Variants in SORBS2 observed in about 807,000 individuals in gnomAD.
The protein encoded by SORBS2 is sorbin and SH3 domain containing 2.
SORBS2 carries 46 observed loss-of-function variants against 97.7 expected under a neutral mutation model. That is an observed-to-expected ratio of 0.47 (90% confidence interval 0.37 to 0.60). SORBS2 has a LOEUF of 0.60. Among genes scored for constraint, SORBS2 ranks in the 20% least tolerant of loss-of-function variants. SORBS2 has a pLI of 0.00. For synonymous variants in SORBS2, 476 were observed against 473.4 expected, an observed-to-expected ratio of 1.01 and a Z score of -0.07; for missense variants, 1,316 against 1,282.3, an observed-to-expected ratio of 1.03 and a Z score of -0.40.
intron 1 of SORBS2, among the ~76,000 whole-genome samples, chr4:185,932,325 G>T (rs1448189731): frequency 2.6e-5 from 4 of 151,708 alleles, no homozygotes; most frequent in African/African-American, 9.7e-5. Flanking sequence ...AGAGTAGGGT[G>T]TTAAGTCAAC....
intron 1 of SORBS2, among the ~76,000 whole-genome samples, chr4:185,925,728 C>T (rs2099263285): frequency 6.6e-6 from 1 of 152,148 alleles, no homozygotes; most frequent in African/African-American, 2.4e-5. Context: ...GAGAAGAAAG[C>T]ACACAAGATT....
At chr4:185,659,488 C>T (rs993214530), upstream of SORBS2, among the ~76,000 whole-genome samples, 1 of 152,110 alleles carries the variant, frequency 6.6e-6, no homozygotes, top group East Asian at 1.9e-4. Context: ...GCGATCTCGG[C>T]TCACTGCAAG....
intron 1 of SORBS2, among the ~76,000 whole-genome samples, chr4:185,875,473 G>A (rs777171298): frequency 7.9e-5 from 12 of 152,186 alleles, no homozygotes; most frequent in South Asian, 2.1e-4. Flanking sequence ...AATTCCCATC[G>A]CTCTGTAACT....
At chr4:185,871,615 T>A (rs748875037) in intron 1 of SORBS2, among the ~76,000 whole-genome samples, 1 of 152,242 alleles carries the variant, frequency 6.6e-6, no homozygotes, top group Non-Finnish European at 1.5e-5. Flanking sequence ...AGTTCTTCCT[T>A]TCCTTGCCTT....
chr4:185,683,779 A>AT (rs1000198123), intron 2 of SORBS2, among the ~76,000 whole-genome samples: 10 of 151,426 alleles, frequency 6.6e-5, no homozygotes, highest in Non-Finnish European at 1.2e-4. Context: ...ATGGAAGTTC[A>AT]TTTTTTTTTC....
intron 4 of SORBS2, among the ~76,000 whole-genome samples, chr4:185,644,242 T>C (rs1379790130): frequency 6.6e-6 from 1 of 152,158 alleles, no homozygotes; most frequent in African/African-American, 2.4e-5. Flanking sequence ...CTAAGTTCCT[T>C]CTACTTATCT....
intron 9 of SORBS2, among the ~76,000 whole-genome samples, chr4:185,617,197 C>T (rs2096642519): frequency 6.6e-6 from 1 of 152,170 alleles, no homozygotes; most frequent in African/African-American, 2.4e-5. Flanking sequence ...ACGTGTGCTC[C>T]GTAACATTAT....
intron 1 of SORBS2, among the ~76,000 whole-genome samples, chr4:185,886,369 C>T (rs1350515315): frequency 2.6e-5 from 4 of 151,936 alleles, no homozygotes; most frequent in Non-Finnish European, 5.9e-5. Context: ...GCCTGGCTAA[C>T]ACAGTGAAAC....
intron 4 of SORBS2, among the ~76,000 whole-genome samples, chr4:185,674,115 G>C (rs1246342300): frequency 6.6e-6 from 1 of 152,110 alleles, no homozygotes; most frequent in Non-Finnish European, 1.5e-5. Context: ...CTCCAACCAG[G>C]ACCTTTCCCC....
upstream of SORBS2, among the ~76,000 whole-genome samples, chr4:185,660,775 C>T (rs1257313249): frequency 6.6e-6 from 1 of 152,146 alleles, no homozygotes; most frequent in Non-Finnish European, 1.5e-5. Flanking sequence ...TTGCTGGCCC[C>T]TGTGGCCAGA....
intron 4 of SORBS2, among the ~76,000 whole-genome samples, chr4:185,677,933 A>G (rs1227310510): frequency 2.6e-5 from 4 of 152,172 alleles, no homozygotes; most frequent in Admixed American, 1.3e-4. Context: ...AAAAGTGAAC[A>G]TATGTTCTCT....
chr4:185,732,738 A>G (rs1220529956), intron 2 of SORBS2, among the ~76,000 whole-genome samples: 1 of 152,204 alleles, frequency 6.6e-6, no homozygotes. Context: ...TGTTCCCCAA[A>G]AAGGTATGTT....
At chr4:185,839,819 G>A (rs183196151) in intron 1 of SORBS2, among the ~76,000 whole-genome samples, 120 of 152,330 alleles carry the variant, frequency 7.9e-4, no homozygotes, top group Non-Finnish European at 1.4e-3. Context: ...TTGTAGCAGC[G>A]TTAGATGTTT....
chr4:185,795,379 C>A (rs1186453458), intron 1 of SORBS2, among the ~76,000 whole-genome samples: 1 of 152,150 alleles, frequency 6.6e-6, no homozygotes, highest in Non-Finnish European at 1.5e-5. Context: ...CTGCACCCTC[C>A]CTGCCTCAGC....
intron 1 of SORBS2, among the ~76,000 whole-genome samples, chr4:185,786,206 A>G (rs2099055651): frequency 6.6e-6 from 1 of 152,086 alleles, no homozygotes; most frequent in African/African-American, 2.4e-5. Flanking sequence ...AAACAACTGG[A>G]TTAAGAAAAT....
chr4:185,719,707 A>G (rs1361821371), intron 2 of SORBS2, among the ~76,000 whole-genome samples: 1 of 152,218 alleles, frequency 6.6e-6, no homozygotes, highest in Non-Finnish European at 1.5e-5. Flanking sequence ...ATCATCCAAG[A>G]CGTGTTTCTA....
At chr4:185,843,149 T>C (rs756507181) in intron 1 of SORBS2, among the ~76,000 whole-genome samples, 8 of 151,988 alleles carry the variant, frequency 5.3e-5, no homozygotes, top group Non-Finnish European at 1.0e-4. Context: ...GTAGAACAAC[T>C]ACCCTGAAAG....
intron 2 of SORBS2, among the ~76,000 whole-genome samples, chr4:185,727,687 C>G (rs2098568005): frequency 6.6e-6 from 1 of 152,176 alleles, no homozygotes; most frequent in Non-Finnish European, 1.5e-5. Flanking sequence ...TAACAAAAAG[C>G]ATGATTTACA....
At chr4:185,673,973 A>G (rs944665127) in intron 4 of SORBS2, among the ~76,000 whole-genome samples, 1 of 152,088 alleles carries the variant, frequency 6.6e-6, no homozygotes, top group Non-Finnish European at 1.5e-5. Context: ...AGTCTCCTCC[A>G]CTGCTTCTTC....
Sources: gnomAD v4.1 joint callset for allele counts (sites outside exome capture counted in the v4.1 genomes callset) on GRCh38, gnomAD v4.1.1 for gene constraint, MANE v1.5 for transcripts, NCBI Gene and HGNC (gene_info 2026-07-23, HGNC 2026-07-21) for gene names.